The following ARHGAP10 variants were observed in gnomAD, a reference collection of about 807,000 sequenced individuals.
The protein encoded by ARHGAP10 is Rho GTPase activating protein 10, also known as rho GTPase-activating protein 10.
In ARHGAP10, 87 loss-of-function variants were observed where a neutral mutation model predicts 108.6. The observed-to-expected ratio is 0.80, with a 90% confidence interval of 0.67 to 0.96. The LOEUF (loss-of-function observed/expected upper bound fraction) is 0.96. Among genes scored for constraint, ARHGAP10 ranks in the 40% least tolerant of loss-of-function variants. The probability of loss-of-function intolerance (pLI) is 0.00; values close to 1 mark genes in which losing one functional copy is unlikely to be tolerated. For synonymous variants in ARHGAP10, 347 were observed against 341.1 expected, an observed-to-expected ratio of 1.02 and a Z score of -0.19; for missense variants, 939 against 954.5, an observed-to-expected ratio of 0.98 and a Z score of 0.21.
rs34876546 is a variant in ARHGAP10, at chr4:148,039,368, A to ATTTTTTTTTTTTTTTT, written c.1868-7510_1868-7495dup. ...TTAATACTTTAAGAATACTACTTCA[A>ATTTTTTTTTTTTTTTT]TTTTTTTTTTTTTTTTTTTTTTTTT... On this transcript the variant is annotated intron_variant, in intron 19 of 22. Coordinates refer to ENST00000336498, the MANE Select transcript of ARHGAP10 (RefSeq NM_024605.4). Among the ~76,000 whole-genome samples the ATTTTTTTTTTTTTTTT allele has an allele frequency of 3.7e-4, 27 of 73,092 alleles. 1 individual carries two copies. Among genetic ancestry groups the ATTTTTTTTTTTTTTTT allele is most frequent in the African/African-American group, 1.2e-3 (21 of 17,678 alleles). The allele number at this position is 73,092 out of a possible 152,430, so 48.0% of individuals were successfully genotyped here. A position where few individuals can be genotyped will look rare whatever the true frequency, so the allele number is the denominator to read the frequency against.
At chr4:148,021,504 A>G (rs750483707) in intron 18 of ARHGAP10, among the ~76,000 whole-genome samples, 6 of 152,256 alleles carry the variant, frequency 3.9e-5, no homozygotes, top group Non-Finnish European at 5.9e-5. Context: ...GGCATCTGCC[A>G]TATTTGTAAA....
At chr4:147,909,606 C>G in intron 11 of ARHGAP10, 126 bp from the exon 12 acceptor site, 1 of 773,906 alleles carries the variant, frequency 1.3e-6, no homozygotes, top group African/African-American at 1.8e-5. Context: ...ATTTCTTATT[C>G]TATCACATTA....
chr4:147,737,563 A>G (rs1293153270), intron 1 of ARHGAP10, among the ~76,000 whole-genome samples: 1 of 152,232 alleles, frequency 6.6e-6, no homozygotes, highest in Non-Finnish European at 1.5e-5. Context: ...TTAAAAAGTT[A>G]ATAAATTGCA....
intron 19 of ARHGAP10, among the ~76,000 whole-genome samples, chr4:148,032,471 G>A (rs1460344341): frequency 6.6e-6 from 1 of 151,660 alleles, no homozygotes; most frequent in Non-Finnish European, 1.5e-5. Flanking sequence ...TCTGTACCTT[G>A]TGAAACTGCT....
intron 22 of ARHGAP10, among the ~76,000 whole-genome samples, chr4:148,064,914 C>T (rs770547088): frequency 2.0e-5 from 3 of 152,212 alleles, no homozygotes; most frequent in Non-Finnish European, 2.9e-5. Context: ...GAGGATACTA[C>T]TGTCCTTAAA....
chr4:147,930,643 A>G (rs1737641636), intron 13 of ARHGAP10, among the ~76,000 whole-genome samples: 1 of 152,130 alleles, frequency 6.6e-6, no homozygotes. Flanking sequence ...TGTAATTTCT[A>G]GCCTATCTTC....
At chr4:147,785,362 T>G (rs1411409024) in intron 1 of ARHGAP10, among the ~76,000 whole-genome samples, 1 of 152,136 alleles carries the variant, frequency 6.6e-6, no homozygotes, top group African/African-American at 2.4e-5. Context: ...TGACATGTAT[T>G]GGTACAGATT....
chr4:147,797,154 A>G (rs1731348632), intron 1 of ARHGAP10, among the ~76,000 whole-genome samples: 1 of 152,132 alleles, frequency 6.6e-6, no homozygotes, highest in Non-Finnish European at 1.5e-5. Flanking sequence ...TCTCTCCTCT[A>G]GTGGCCTTTT....
intron 19 of ARHGAP10, among the ~76,000 whole-genome samples, chr4:148,039,368 A>ATTTTTTTTTTTTTTTTTTTTTTTTT (rs34876546): frequency 5.5e-5 from 4 of 73,090 alleles, no homozygotes; most frequent in African/African-American, 1.7e-4. Flanking sequence ...TACTACTTCA[A>ATTTTTTTTTTTTTTTTTTTTTTTTT]TTTTTTTTTT....
intron 18 of ARHGAP10, among the ~76,000 whole-genome samples, chr4:147,971,920 A>G: frequency 6.6e-6 from 1 of 152,130 alleles, no homozygotes; most frequent in Non-Finnish European, 1.5e-5. Flanking sequence ...CAGGGTGGAC[A>G]GCATCATTTG....
intron 18 of ARHGAP10, among the ~76,000 whole-genome samples, chr4:148,010,141 G>C (rs904856885): frequency 6.6e-6 from 1 of 152,134 alleles, no homozygotes; most frequent in African/African-American, 2.4e-5. Flanking sequence ...GGAGAATGAA[G>C]TTCTGCCCTA....
At position 147,939,881 on chromosome 4, in the gene ARHGAP10, C is replaced by T; in HGVS notation, c.1285C>T (p.Leu429Phe). 6.2e-7 allele frequency: 1 copy of T among 1,613,894 alleles called. No individual in the cohort carries two copies. The highest frequency in any genetic ancestry group is 8.5e-7 in the Non-Finnish European group (1 of 1,179,858). Reference protein sequence around the residue: ...VVGVSSKVQRLLSMLMDVKTC... With the variant: ...VVGVSSKVQRFLSMLMDVKTC... ...GGGGGTGAGTTCAAAGGTCCAGAGACTTCTGAGTATGTTGATGGGTATGCC... is the reference window on the plus strand; with the variant it reads ...GGGGGTGAGTTCAAAGGTCCAGAGATTTCTGAGTATGTTGATGGGTATGCC... Residue 429 changes from leucine to phenylalanine, a missense_variant, in exon 14 of 23, where the codon CTT becomes TTT. Transcript: ENST00000336498.
intron 16 of ARHGAP10, among the ~76,000 whole-genome samples, chr4:147,960,670 A>G (rs926664793): frequency 9.2e-5 from 14 of 152,186 alleles, no homozygotes; most frequent in African/African-American, 3.1e-4. Context: ...AGCTTAATGA[A>G]TTTTCACATG....
intron 3 of ARHGAP10, among the ~76,000 whole-genome samples, chr4:147,843,603 C>T (rs1006678165): frequency 6.6e-6 from 1 of 152,076 alleles, no homozygotes; most frequent in South Asian, 2.1e-4. Flanking sequence ...CTCAGCTCAC[C>T]GCAACCTCTG....
chr4:147,766,347 T>G (rs1729811068), intron 1 of ARHGAP10, among the ~76,000 whole-genome samples: 1 of 151,898 alleles, frequency 6.6e-6, no homozygotes, highest in Admixed American at 6.6e-5. Flanking sequence ...CCATATGCTT[T>G]AAATCATCTC....
chr4:147,924,986 A>T (rs1251846556), intron 13 of ARHGAP10, among the ~76,000 whole-genome samples: 3 of 148,840 alleles, frequency 2.0e-5, no homozygotes, highest in African/African-American at 5.1e-5. Flanking sequence ...TTTTTTTTTA[A>T]AATAGCAATT....
At chr4:147,743,209 A>G (rs1194721433) in intron 1 of ARHGAP10, among the ~76,000 whole-genome samples, 2 of 151,216 alleles carry the variant, frequency 1.3e-5, no homozygotes. Context: ...ATTTTTGTGT[A>G]TTTTTAGTGG....
At chr4:147,777,865 C>T (rs1438085035) in intron 1 of ARHGAP10, among the ~76,000 whole-genome samples, 1 of 151,666 alleles carries the variant, frequency 6.6e-6, no homozygotes, top group Non-Finnish European at 1.5e-5. Flanking sequence ...TTTAATAATC[C>T]AAGTTTCTAA....
intron 22 of ARHGAP10, 115 bp from the exon 23 acceptor site, chr4:148,071,878 C>T (rs1008659748): frequency 1.3e-6 from 1 of 787,544 alleles, no homozygotes; most frequent in Non-Finnish European, 2.1e-6. Context: ...ACCCAACATC[C>T]CAGAAGTGGC....
Sources: gnomAD v4.1 joint callset for allele counts (sites outside exome capture counted in the v4.1 genomes callset) on GRCh38, gnomAD v4.1.1 for gene constraint, MANE v1.5 for transcripts, NCBI Gene and HGNC (gene_info 2026-07-23, HGNC 2026-07-21) for gene names.